The following GPAT4 variants were observed in gnomAD, a reference collection of about 807,000 sequenced individuals.
The protein encoded by GPAT4 is 1-AGP acyltransferase 6.
GPAT4 carries 17 observed loss-of-function variants against 58.0 expected under a neutral mutation model. The ratio of observed to expected loss-of-function variants is 0.29; its 90% CI spans 0.20 to 0.44. The LOEUF (loss-of-function observed/expected upper bound fraction) is 0.44, where lower values mean the gene tolerates loss of function less well. GPAT4 is among the 20% of genes least tolerant of loss of function. GPAT4 has a pLI of 1.00. For missense variants in GPAT4, 377 were observed against 574.5 expected, an observed-to-expected ratio of 0.66 and a Z score of 3.51; for synonymous variants, 204 against 210.1, an observed-to-expected ratio of 0.97 and a Z score of 0.25.
chr8:41,596,308 T>C (rs2150490109), intron 1 of GPAT4, among the ~76,000 whole-genome samples: 2 of 152,266 alleles, frequency 1.3e-5, no homozygotes, highest in African/African-American at 4.8e-5. Flanking sequence ...CACACACTTT[T>C]ACAGTTTACA....
chr8:41,620,842 G>A (rs890220), intron 12 of GPAT4, 51 bp from the exon 13 acceptor site: 229,552 of 1,548,472 alleles, frequency 0.15, 17,514 homozygotes, highest in Middle Eastern at 0.18. Context: ...TGGTGTGAGC[G>A]TGGCTGGGAG....
intron 1 of GPAT4, among the ~76,000 whole-genome samples, chr8:41,587,630 T>C (rs1315119509): frequency 1.3e-5 from 2 of 152,284 alleles, no homozygotes; most frequent in East Asian, 3.9e-4. Context: ...ATCTCTGCCC[T>C]GCGCACTGCA....
In GPAT4 at chr8:41,612,279, A is replaced by C. The variant is rs1387730284; in HGVS notation, c.795+6A>C. The C allele has an allele frequency of 6.2e-7, 1 of 1,614,154 alleles. No homozygotes were observed. The highest frequency in any genetic ancestry group is 8.5e-7 in the Non-Finnish European group (1 of 1,179,972). ...GCGATGGCTATTATGCCATGGTAAG[A>C]GCTCTTTCCGGTGCGTTCTTGAGGC... is the stretch of plus-strand genomic sequence containing the variant. On this transcript the variant is annotated splice_donor_region_variant and intron_variant, in intron 7 of 12. Coordinates refer to ENST00000396987, the MANE Select transcript of GPAT4 (RefSeq NM_178819.4).
Position 41,621,077 on chromosome 8 carries a change from A to G in GPAT4, c.*76A>G. On this transcript the variant is annotated 3_prime_UTR_variant, in exon 13 of 13. Transcript: ENST00000396987. The stretch of plus-strand genomic sequence containing the variant: ...AGCTGGAGTTGCCGCCGCCGCCCCC[A>G]CTGCTGTGTCCTTTCCAGACTCCAG... 1.3e-6 allele frequency: 2 copies of G among 1,535,568 alleles called. No individual in the cohort carries two copies.
Position 41,598,818 on chromosome 8 carries a change from C to T in GPAT4, c.-322C>T, listed in dbSNP as rs777787133. The stretch of plus-strand genomic sequence containing the variant: ...CATCAGGACAGCAGAGCAGAGCCCC[C>T]GTCCTCACTGCTCACTTGCACAGAA... On this transcript the variant is annotated 5_prime_UTR_variant, in exon 2 of 13. Coordinates refer to ENST00000396987, the MANE Select transcript of GPAT4 (RefSeq NM_178819.4). The T allele has an allele frequency of 5.5e-5, 16 of 289,486 alleles. No homozygotes were observed. The highest frequency in any genetic ancestry group is 2.2e-4 in the South Asian group (3 of 13,878). The allele number at this position is 289,486 out of a possible 1,614,324, so 17.9% of individuals were successfully genotyped here.
chr8:41,612,797 T>G (rs368508983), intron 7 of GPAT4, 48 bp from the exon 8 acceptor site: 3 of 1,513,544 alleles, frequency 2.0e-6, no homozygotes, highest in Non-Finnish European at 2.7e-6. Context: ...GTGGGGAGAT[T>G]CGTGTGAAGA....
intron 1 of GPAT4, among the ~76,000 whole-genome samples, chr8:41,595,024 CTATAA>C (rs1802889006): frequency 6.6e-6 from 1 of 151,968 alleles, no homozygotes; most frequent in Non-Finnish European, 1.5e-5. Context: ...TTAGAAGTTA[CTATAA>C]TATATGTTAC....
intron 1 of GPAT4, chr8:41,578,606 A>T (rs1363544733): frequency 6.6e-6 from 1 of 152,056 alleles, no homozygotes; most frequent in Non-Finnish European, 1.5e-5. Flanking sequence ...CCGCCCCGGG[A>T]GTCCGGGGAT....
chr8:41,603,010 C>G (rs1585663806), intron 2 of GPAT4, among the ~76,000 whole-genome samples: 2 of 152,302 alleles, frequency 1.3e-5, no homozygotes, highest in South Asian at 2.1e-4. Context: ...CTCCAAATGC[C>G]ATCACCTTGG....
intron 1 of GPAT4, among the ~76,000 whole-genome samples, chr8:41,592,068 A>G (rs1467458499): frequency 6.6e-6 from 1 of 152,156 alleles, no homozygotes; most frequent in Non-Finnish European, 1.5e-5. Flanking sequence ...ATATGGTATG[A>G]TTCTCTTAGG....
At chr8:41,581,993 ATTTTTTTTTTTTTT>A (rs71230849) in intron 1 of GPAT4, among the ~76,000 whole-genome samples, 9,659 of 63,570 alleles carry the variant, frequency 0.15, 493 homozygotes, top group Middle Eastern at 0.24. Flanking sequence ...AAGTTCAATG[ATTTTTTTTTTTTTT>A]TTTTTTTTTT....
rs1402674035 is a variant in GPAT4, at chr8:41,624,611, T to TGCCTCGCGGACAGGTTAGGATATG, written c.*3614_*3637dup. 4 of 152,200 alleles carry TGCCTCGCGGACAGGTTAGGATATG rather than the reference T, an allele frequency of 2.6e-5. No homozygotes were observed. The highest frequency in any genetic ancestry group is 1.3e-4 in the Admixed American group (2 of 15,280). 9.4% of individuals were successfully genotyped at this position (152,200 alleles called of 1,614,324 possible). A position where few individuals can be genotyped will look rare whatever the true frequency, so the allele number is the denominator to read the frequency against. On this transcript the variant is annotated 3_prime_UTR_variant, in exon 13 of 13. Coordinates refer to ENST00000396987, the MANE Select transcript of GPAT4 (RefSeq NM_178819.4). ...GCTGGAAGGGCAGCTGCAGGTGCAC[T>TGCCTCGCGGACAGGTTAGGATATG]GCCTCGCGGACAGGTTAGGATATGG... is the stretch of plus-strand genomic sequence containing the variant.
chr8:41,589,364 ATGGG>A (rs1802733315), intron 1 of GPAT4, among the ~76,000 whole-genome samples: 2 of 15,280 alleles, frequency 1.3e-4, no homozygotes, highest in East Asian at 3.1e-3. Context: ...GTGTGGCGGG[ATGGG>A]ATGGGGTGGG....
intron 2 of GPAT4, among the ~76,000 whole-genome samples, chr8:41,607,964 C>A (rs539923000): frequency 1.3e-5 from 2 of 152,304 alleles, no homozygotes; most frequent in Admixed American, 1.3e-4. Flanking sequence ...CCCCTTTTCA[C>A]CTCTTCTCTA....
chr8:41,585,882 C>G (rs952158515), intron 1 of GPAT4, among the ~76,000 whole-genome samples: 1 of 152,250 alleles, frequency 6.6e-6, no homozygotes, highest in Non-Finnish European at 1.5e-5. Flanking sequence ...ATCTGCCACT[C>G]TGCAGAATGC....
Position 41,609,914 on chromosome 8 carries a change from G to A in GPAT4, c.495G>A (p.Gly165=), listed in dbSNP as rs780693887. The A allele has an allele frequency of 7.4e-6, 12 of 1,613,386 alleles. No homozygotes were observed. The African/African-American group carries it at 9.3e-5, about 13-fold the overall frequency. ...YISLRLTVLW[G]LGVLIRYCFL... ...GCCTTCGGCTCACGGTCCTGTGGGG[G>A]TTAGGAGTGCTGATTCGGTACTGCT... Residue 165 remains glycine (G), a synonymous_variant, in exon 4 of 13, where the codon GGG becomes GGA. Transcript: ENST00000396987.
At chr8:41,605,842 G>A (rs1803247270) in intron 2 of GPAT4, among the ~76,000 whole-genome samples, 1 of 152,204 alleles carries the variant, frequency 6.6e-6, no homozygotes, top group East Asian at 1.9e-4. Flanking sequence ...AAAGTTCTGG[G>A]ATTACAGGCA....
intron 1 of GPAT4, among the ~76,000 whole-genome samples, chr8:41,581,634 T>TC: frequency 6.8e-6 from 1 of 147,050 alleles, no homozygotes; most frequent in East Asian, 2.0e-4. Flanking sequence ...ACTTTTTTTT[T>TC]TTTTTTTTTT....
intron 4 of GPAT4, 177 bp downstream of exon 4, chr8:41,610,132 G>T: frequency 7.0e-7 from 1 of 1,423,536 alleles, no homozygotes; most frequent in Non-Finnish European, 9.1e-7. Context: ...GAGGCCCTTG[G>T]ATTCTCTGCA....
Sources: gnomAD v4.1 joint callset for allele counts (sites outside exome capture counted in the v4.1 genomes callset) on GRCh38, gnomAD v4.1.1 for gene constraint, MANE v1.5 for transcripts, NCBI Gene and HGNC (gene_info 2026-07-23, HGNC 2026-07-21) for gene names.